LRBA: variants seen among roughly 807,000 people sequenced by gnomAD.
The protein encoded by LRBA is lipopolysaccharide-responsive and beige-like anchor protein.
In LRBA, 176 loss-of-function variants were observed where a neutral mutation model predicts 330.0. That is an observed-to-expected ratio of 0.53 (90% CI 0.47 to 0.60). The LOEUF is 0.60. LRBA is among the 20% of genes least tolerant of loss of function. The pLI is 0.00. For missense variants in LRBA, 3,259 were observed against 3,444.8 expected, an observed-to-expected ratio of 0.95 and a Z score of 1.35; for synonymous variants, 1,230 against 1,193.0, an observed-to-expected ratio of 1.03 and a Z score of -0.64.
chr4:150,527,667 T>G (rs1763619592), intron 40 of LRBA, among the ~76,000 whole-genome samples: 1 of 152,212 alleles, frequency 6.6e-6, no homozygotes, highest in Non-Finnish European at 1.5e-5. Context: ...TGCTTATTTT[T>G]TTCTCAGCAC....
intron 2 of LRBA, among the ~76,000 whole-genome samples, chr4:151,002,365 G>C (rs933891722): frequency 6.6e-6 from 1 of 151,660 alleles, no homozygotes; most frequent in Non-Finnish European, 1.5e-5. Context: ...TCAGGAGTTC[G>C]AGACCAGACC....
intron 34 of LRBA, among the ~76,000 whole-genome samples, chr4:150,762,116 T>C (rs1040976029): frequency 5.9e-5 from 9 of 151,944 alleles, no homozygotes; most frequent in African/African-American, 2.2e-4. Context: ...TCTGAAATAG[T>C]TGGGAGCTGG....
chr4:150,300,688 C>G (rs1729563531), intron 53 of LRBA, among the ~76,000 whole-genome samples: 1 of 152,042 alleles, frequency 6.6e-6, no homozygotes, highest in South Asian at 2.1e-4. Flanking sequence ...TAAAAACAAT[C>G]TCTAGGTTGA....
Position 150,694,376 on chromosome 4 carries a change from C to T in LRBA, c.5755-10659G>A, listed in dbSNP as rs184397713. Among the ~76,000 whole-genome samples the T allele has an allele frequency of 3.0e-4, 42 of 140,324 alleles. 1 individual carries two copies. The highest frequency in any genetic ancestry group is 1.0e-3 in the African/African-American group (39 of 38,992). 92.1% of individuals were successfully genotyped at this position (140,324 alleles called of 152,430 possible). On this transcript the variant is annotated intron_variant, in intron 36 of 56. Transcript: ENST00000651943. Reference sequence around the variant, plus strand: ...AAACAATTTAAAAGTGAAATCACTTCAGGGACAATAAATGAAGAAGTTTCT... The same window carrying T: ...AAACAATTTAAAAGTGAAATCACTTTAGGGACAATAAATGAAGAAGTTTCT...
At chr4:150,994,886 G>C (rs1742469941) in intron 2 of LRBA, among the ~76,000 whole-genome samples, 1 of 152,156 alleles carries the variant, frequency 6.6e-6, no homozygotes, top group Non-Finnish European at 1.5e-5. Context: ...ACAAAGCATT[G>C]GTGAGCACTG....
intron 2 of LRBA, among the ~76,000 whole-genome samples, chr4:150,987,204 G>A (rs775320485): frequency 4.9e-4 from 75 of 152,272 alleles, no homozygotes; most frequent in Non-Finnish European, 8.1e-4. Context: ...TCCCAGGATT[G>A]TAAACAGACT....
intron 40 of LRBA, among the ~76,000 whole-genome samples, chr4:150,492,578 T>G (rs940760467): frequency 1.3e-5 from 2 of 152,148 alleles, no homozygotes; most frequent in African/African-American, 2.4e-5. Flanking sequence ...CTTTTATTCT[T>G]ACCTCTGAAG....
chr4:150,570,464 A>C (rs1050470118), intron 40 of LRBA, among the ~76,000 whole-genome samples: 63 of 152,272 alleles, frequency 4.1e-4, no homozygotes, highest in Non-Finnish European at 2.4e-4. Context: ...AATAAGATGT[A>C]TATGAAAAAA....
chr4:150,776,846 A>C (rs1332293442), intron 34 of LRBA, among the ~76,000 whole-genome samples: 1 of 152,170 alleles, frequency 6.6e-6, no homozygotes, highest in Non-Finnish European at 1.5e-5. Flanking sequence ...TATGCCCTAA[A>C]TATATAGAAT....
At chr4:150,758,762 A>G (rs575595109) in intron 35 of LRBA, among the ~76,000 whole-genome samples, 23 of 151,908 alleles carry the variant, frequency 1.5e-4, no homozygotes, top group African/African-American at 5.1e-4. Flanking sequence ...TTCTGTAGAG[A>G]CAGGGTCTCA....
At chr4:150,376,203 T>C (rs1020024288) in intron 47 of LRBA, among the ~76,000 whole-genome samples, 6 of 152,180 alleles carry the variant, frequency 3.9e-5, no homozygotes, top group Admixed American at 1.3e-4. Context: ...AAAGAAAGGC[T>C]AGAAATACAG....
At chr4:150,936,920 A>G (rs1290895982) in intron 2 of LRBA, among the ~76,000 whole-genome samples, 1 of 152,060 alleles carries the variant, frequency 6.6e-6, no homozygotes, top group Non-Finnish European at 1.5e-5. Context: ...TAAATTGGTC[A>G]AAAACCTCGT....
At position 150,569,483 on chromosome 4, in the gene LRBA, C is replaced by T. The variant is rs115886575; in HGVS notation, c.6330+18565G>A. On this transcript the variant is annotated intron_variant, in intron 40 of 56. Transcript: ENST00000651943. ...TCCCATCAATGATTTGTTCAGCTTG[C>T]GTAAGTCACAACTGATTGGACACAG... 1.2e-3 allele frequency among the ~76,000 whole-genome samples: 176 copies of T among 152,212 alleles called. 3 individuals are homozygous for T. The highest frequency in any genetic ancestry group is 4.1e-3 in the African/African-American group (170 of 41,546).
Position 150,808,510 on chromosome 4 carries a change from G to A in LRBA, c.5306-112C>T, listed in dbSNP as rs151036199. ...TAAAAGCATTATAACGTATTTTTAT[G>A]TCCATTACTATTTGGATAACATTAA... On this transcript the variant is annotated intron_variant, in intron 31 of 56. Coordinates refer to ENST00000651943, the MANE Select transcript of LRBA (RefSeq NM_001364905.1). 43 of 623,198 alleles carry A rather than the reference G, an allele frequency of 6.9e-5. No homozygotes were observed. The African/African-American group carries it at 7.4e-4, about 11-fold the overall frequency. 38.6% of individuals were successfully genotyped at this position (623,198 alleles called of 1,614,324 possible).
At chr4:150,596,418 T>C (rs1773490276) in intron 38 of LRBA, among the ~76,000 whole-genome samples, 1 of 151,904 alleles carries the variant, frequency 6.6e-6, no homozygotes, top group Non-Finnish European at 1.5e-5. Context: ...TGTCTTCCTT[T>C]GATAATGATA....
At chr4:150,612,475 T>A (rs1775373111) in intron 37 of LRBA, among the ~76,000 whole-genome samples, 1 of 152,208 alleles carries the variant, frequency 6.6e-6, no homozygotes, top group South Asian at 2.1e-4. Flanking sequence ...CACTTCCAGG[T>A]TTTTAAGACA....
chr4:150,961,233 G>A (rs1390599671), intron 2 of LRBA, among the ~76,000 whole-genome samples: 1 of 149,280 alleles, frequency 6.7e-6, no homozygotes, highest in Non-Finnish European at 1.5e-5. Context: ...AGGATAAACA[G>A]CCATATTCAC....
chr4:150,610,226 C>A (rs893731833), intron 37 of LRBA, among the ~76,000 whole-genome samples: 1 of 152,132 alleles, frequency 6.6e-6, no homozygotes, highest in Non-Finnish European at 1.5e-5. Flanking sequence ...TAGCATCGAT[C>A]TGCAGAACTG....
chr4:150,852,076 C>G lies in LRBA; in HGVS notation c.3634G>C (p.Gly1212Arg). 1 of 1,614,128 alleles carries G rather than the reference C, an allele frequency of 6.2e-7. No individual in the cohort carries two copies. The change falls in exon 23 of 57, where the codon GGG becomes CGG. Residue 1212 changes from glycine to arginine, a missense_variant. Transcript: ENST00000651943. ...CTAGTGAGGTTAGTTGCTTTCTTCC[C>G]TTCCTCCAGCATCTGACCAAGGTCT... Reference protein sequence around the residue: ...ESDLGQMLEEGKKATNLTRET... With the variant: ...ESDLGQMLEERKKATNLTRET...
Sources: gnomAD v4.1 joint callset for allele counts (sites outside exome capture counted in the v4.1 genomes callset) on GRCh38, gnomAD v4.1.1 for gene constraint, MANE v1.5 for transcripts, NCBI Gene and HGNC (gene_info 2026-07-23, HGNC 2026-07-21) for gene names.